PPP4R3A: variants seen among roughly 807,000 people sequenced by gnomAD.
The protein encoded by PPP4R3A is serine/threonine-protein phosphatase 4 regulatory subunit 3A.
PPP4R3A carries 15 observed loss-of-function variants against 91.7 expected under a neutral mutation model. The observed-to-expected ratio is 0.16, with a 90% confidence interval of 0.11 to 0.25. The LOEUF (loss-of-function observed/expected upper bound fraction) is 0.25. Among genes scored for constraint, PPP4R3A ranks in the 10% least tolerant of loss-of-function variants. PPP4R3A has a pLI of 1.00. For missense variants in PPP4R3A, 623 were observed against 998.4 expected, an observed-to-expected ratio of 0.62 and a Z score of 5.07; for synonymous variants, 377 against 348.7, an observed-to-expected ratio of 1.08 and a Z score of -0.91.
intron 10 of PPP4R3A, chr14:91,466,220 ATGCCCCAGTTATTGTAAACAG>A: frequency 2.0e-6 from 2 of 985,648 alleles, no homozygotes; most frequent in Non-Finnish European, 2.4e-6. Context: ...CAGTAAGTTA[ATGCCCCAGTTATTGTAAACAG>A]TGCAAAAAAG....
chr14:91,495,353 C>T (rs1016463423), intron 1 of PPP4R3A, among the ~76,000 whole-genome samples: 2 of 88,384 alleles, frequency 2.3e-5, no homozygotes, highest in Non-Finnish European at 4.8e-5. Context: ...GTCTCTCTGT[C>T]GCCCAGGCTG....
intron 14 of PPP4R3A, 103 bp from the exon 15 acceptor site, chr14:91,458,972 C>T (rs1887947200): frequency 5.3e-6 from 7 of 1,320,838 alleles, no homozygotes; most frequent in South Asian, 1.6e-5. Context: ...AACATAGTAA[C>T]GGTGGTTATT....
Position 91,507,420 on chromosome 14 carries a change from A to ATATATACTATAATTATATACTATATAG in PPP4R3A, c.142+2085_142+2086insCTATATAGTATATAATTATAGTATATA, listed in dbSNP as rs1566660364. Among the ~76,000 whole-genome samples, 303 of 79,748 alleles carry ATATATACTATAATTATATACTATATAG rather than the reference A, an allele frequency of 3.8e-3. 58 individuals are homozygous for ATATATACTATAATTATATACTATATAG. Among genetic ancestry groups the ATATATACTATAATTATATACTATATAG allele is most frequent in the African/African-American group, 0.016 (287 of 17,492 alleles). The allele number at this position is 79,748 out of a possible 152,430, so 52.3% of individuals were successfully genotyped here. A position where few individuals can be genotyped will look rare whatever the true frequency, so the allele number is the denominator to read the frequency against. On this transcript the variant is annotated intron_variant, in intron 1 of 14. Coordinates refer to ENST00000554943, the MANE Select transcript of PPP4R3A (RefSeq NM_001366432.2). ...GTACTATAATTATATATACTATATA[A>ATATATACTATAATTATATACTATATAG]TATATATACTATAATTATATATACT...
chr14:91,490,731 AT>A lies in PPP4R3A; in HGVS notation c.198+15del. The A allele has an allele frequency of 1.9e-6, 3 of 1,601,248 alleles. No homozygotes were observed. Among genetic ancestry groups the A allele is most frequent in the East Asian group, 2.2e-5 (1 of 44,594 alleles). ...AAGGAAAATATGCAAGATAAAACAC[AT>A]CTTCAAAATTTTACCTGTTGTTTCT... On this transcript the variant is annotated intron_variant, in intron 2 of 14. Coordinates refer to ENST00000554943, the MANE Select transcript of PPP4R3A (RefSeq NM_001366432.2).
intron 1 of PPP4R3A, among the ~76,000 whole-genome samples, chr14:91,495,113 C>A (rs1303926585): frequency 6.6e-6 from 1 of 151,904 alleles, no homozygotes; most frequent in Non-Finnish European, 1.5e-5. Flanking sequence ...CATGCCCAGA[C>A]AAAAACTTGT....
chr14:91,504,673 C>T (rs942855325), intron 1 of PPP4R3A, among the ~76,000 whole-genome samples: 1 of 151,932 alleles, frequency 6.6e-6, no homozygotes, highest in Non-Finnish European at 1.5e-5. Flanking sequence ...CAGAAACCTA[C>T]TGGATAAAGA....
chr14:91,468,457 G>A (rs1037073694), intron 10 of PPP4R3A, among the ~76,000 whole-genome samples: 1 of 151,978 alleles, frequency 6.6e-6, no homozygotes, highest in Admixed American at 6.5e-5. Context: ...GGATCACGAG[G>A]TCAAGAATTT....
rs1397962243 is a variant in PPP4R3A at position 91,471,048 on chromosome 14, C to A, written c.1502-53G>T. On this transcript the variant is annotated intron_variant, in intron 9 of 14. Transcript: ENST00000554943. ...TATTTAATGACTAACATTTTTCCTT[C>A]TAAAATGTAAGAACTCAAATTCTAA... The A allele has an allele frequency of 2.7e-6, 4 of 1,494,598 alleles. No homozygotes were observed. In the Admixed American group the frequency reaches 7.4e-5, roughly 28 times the overall value. The allele number at this position is 1,494,598 out of a possible 1,614,324, so 92.6% of individuals were successfully genotyped here.
At chr14:91,486,242 G>GTT (rs199497430) in intron 2 of PPP4R3A, among the ~76,000 whole-genome samples, 2 of 93,974 alleles carry the variant, frequency 2.1e-5, no homozygotes, top group Admixed American at 1.2e-4. Flanking sequence ...CTATACATAG[G>GTT]TTTTTTTGTT....
chr14:91,463,860 G>A (rs975405338), intron 11 of PPP4R3A, among the ~76,000 whole-genome samples: 1 of 152,120 alleles, frequency 6.6e-6, no homozygotes, highest in African/African-American at 2.4e-5. Flanking sequence ...TCATCACCCA[G>A]GTAGTAAGCA....
At chr14:91,473,856 A>T (rs1595060069) in intron 7 of PPP4R3A, among the ~76,000 whole-genome samples, 1 of 151,212 alleles carries the variant, frequency 6.6e-6, no homozygotes, top group African/African-American at 2.4e-5. Context: ...ACTAACCTCC[A>T]CCTCCCGGGT....
At chr14:91,493,680 C>T (rs545081837) in intron 1 of PPP4R3A, among the ~76,000 whole-genome samples, 2 of 150,426 alleles carry the variant, frequency 1.3e-5, no homozygotes, top group Non-Finnish European at 2.9e-5. Context: ...TCTTTGTAGT[C>T]TTTCATTATT....
Position 91,470,860 on chromosome 14 carries a change from G to A in PPP4R3A, c.1637C>T (p.Ser546Leu). Residue 546 changes from serine (S) to leucine (L), a missense_variant, in exon 10 of 15, where the codon TCG becomes TTG. By Grantham distance (145) the Ser-to-Leu change is moderately radical. This residue lies in a region of PPP4R3A where 87 missense variants were observed against 233.9 expected (regional missense o/e 0.37). Coordinates refer to ENST00000554943, the MANE Select transcript of PPP4R3A (RefSeq NM_001366432.2). ...ACATAATGCCAAGAAAGCATGCTTC[G>A]AGGCCATAAGAACTAGCACTCTCCG... ...ILRRVLVLMA[S>L]KHAFLALCAL... 1 of 1,609,378 alleles carries A rather than the reference G, an allele frequency of 6.2e-7. No homozygotes were observed. Among genetic ancestry groups the A allele is most frequent in the South Asian group, 1.1e-5 (1 of 89,460 alleles).
At chr14:91,465,147 ATC>A in intron 11 of PPP4R3A, 101 bp downstream of exon 11, 1 of 845,424 alleles carries the variant, frequency 1.2e-6, no homozygotes, top group Non-Finnish European at 1.7e-6. Context: ...TTTTTTTTAA[ATC>A]TCTCCAAATA....
At position 91,509,994 on chromosome 14, in the gene PPP4R3A, T is replaced by C. The variant is rs923461377; in HGVS notation, c.-347A>G. 8.1e-6 allele frequency: 8 copies of C among 986,174 alleles called. No homozygotes were observed. Among genetic ancestry groups the C allele is most frequent in the East Asian group, 1.0e-4 (1 of 9,816 alleles). 61.1% of individuals were successfully genotyped at this position (986,174 alleles called of 1,614,324 possible). ...CACTGCCCTGCTCCCGCCTCCGCCA[T>C]GATCTCCGCGAAGCAGCTTCCCGCG... On this transcript the variant is annotated 5_prime_UTR_variant, in exon 1 of 15. The change abolishes an upstream ATG in the 5' untranslated region. Coordinates refer to ENST00000554943, the MANE Select transcript of PPP4R3A (RefSeq NM_001366432.2).
chr14:91,484,084 A>G (rs905022372), intron 3 of PPP4R3A, among the ~76,000 whole-genome samples: 7 of 152,214 alleles, frequency 4.6e-5, no homozygotes, highest in African/African-American at 1.7e-4. Context: ...GGATAACACT[A>G]CAAGACAAAA....
At chr14:91,480,814 T>A (rs751183626) in intron 4 of PPP4R3A, among the ~76,000 whole-genome samples, 1 of 152,302 alleles carries the variant, frequency 6.6e-6, no homozygotes, top group South Asian at 2.1e-4. Context: ...GGTGGGAGAA[T>A]TGCTTGAAGC....
intron 5 of PPP4R3A, 83 bp from the exon 6 acceptor site, chr14:91,476,607 C>T (rs768252670): frequency 2.9e-6 from 3 of 1,043,122 alleles, no homozygotes; most frequent in Non-Finnish European, 4.2e-6. Flanking sequence ...CTCTTGTTGC[C>T]GACGCTGGAG....
intron 1 of PPP4R3A, among the ~76,000 whole-genome samples, chr14:91,498,555 C>T (rs376076610): frequency 1.1e-4 from 16 of 152,062 alleles, no homozygotes; most frequent in African/African-American, 1.9e-4. Flanking sequence ...TCTAGCTGGG[C>T]GTGGTGGCAC....
Sources: gnomAD v4.1 joint callset for allele counts (sites outside exome capture counted in the v4.1 genomes callset) on GRCh38, gnomAD v4.1.1 for gene constraint, gnomAD v4.1.1 regional missense constraint, MANE v1.5 for transcripts, NCBI Gene and HGNC (gene_info 2026-07-23, HGNC 2026-07-21) for gene names.